FIG4: variants seen among roughly 807,000 people sequenced by gnomAD.
FIG4 encodes the protein polyphosphoinositide phosphatase.
FIG4 carries 112 observed loss-of-function variants against 118.6 expected under a neutral mutation model. The observed-to-expected ratio is 0.94, with a 90% CI of 0.81 to 1.11. The LOEUF (loss-of-function observed/expected upper bound fraction) is 1.11, where lower values mean the gene tolerates loss of function less well. FIG4 is among the 50% of genes least tolerant of loss of function. The pLI is 0.00. For missense variants in FIG4, 969 were observed against 1,111.7 expected, an observed-to-expected ratio of 0.87 and a Z score of 1.83; for synonymous variants, 369 against 381.2, an observed-to-expected ratio of 0.97 and a Z score of 0.37.
At chr6:109,717,286 T>C (rs1213153307) in intron 3 of FIG4, among the ~76,000 whole-genome samples, 1 of 152,232 alleles carries the variant, frequency 6.6e-6, no homozygotes, top group East Asian at 1.9e-4. Context: ...AAACGTGATA[T>C]TGATCTCTTT....
intron 22 of FIG4, among the ~76,000 whole-genome samples, chr6:109,811,581 C>G (rs1778721033): frequency 6.6e-6 from 1 of 152,186 alleles, no homozygotes; most frequent in Non-Finnish European, 1.5e-5. Flanking sequence ...GTTCTAGTCA[C>G]TGGGGACATA....
intron 10 of FIG4, among the ~76,000 whole-genome samples, chr6:109,752,408 C>T (rs1007877947): frequency 1.6e-4 from 25 of 151,726 alleles, no homozygotes; most frequent in African/African-American, 2.7e-4. Context: ...CCTGAGGAAT[C>T]GCCACAGTGA....
intron 22 of FIG4, among the ~76,000 whole-genome samples, chr6:109,810,886 G>C (rs1273342193): frequency 6.6e-6 from 1 of 152,188 alleles, no homozygotes; most frequent in East Asian, 1.9e-4. Context: ...CTCAGTATCA[G>C]AAAGAGTATG....
intron 22 of FIG4, among the ~76,000 whole-genome samples, chr6:109,811,542 A>G (rs1325726027): frequency 6.6e-6 from 1 of 152,188 alleles, no homozygotes; most frequent in Non-Finnish European, 1.5e-5. Context: ...TTCACCAAAT[A>G]CCTAAGCACC....
intron 22 of FIG4, among the ~76,000 whole-genome samples, chr6:109,819,561 C>T (rs1778949488): frequency 6.6e-6 from 1 of 152,110 alleles, no homozygotes. Flanking sequence ...CTCCGCCTCC[C>T]AGGTTCACAC....
intron 11 of FIG4, 26 bp downstream of exon 11, chr6:109,760,409 A>G (rs1777067417): frequency 1.3e-6 from 2 of 1,599,726 alleles, no homozygotes; most frequent in African/African-American, 1.3e-5. Flanking sequence ...CTGTCTGGCT[A>G]TGATCGTTTC....
intron 22 of FIG4, 72 bp from the exon 23 acceptor site, chr6:109,825,014 CTT>C: frequency 1.4e-6 from 2 of 1,405,560 alleles, no homozygotes; most frequent in Non-Finnish European, 2.0e-6. Flanking sequence ...CTCTCAAGTG[CTT>C]CTGAGACTGC....
At chr6:109,801,248 G>A (rs1187715023) in intron 22 of FIG4, among the ~76,000 whole-genome samples, 2 of 152,106 alleles carry the variant, frequency 1.3e-5, no homozygotes, top group Non-Finnish European at 2.9e-5. Context: ...ATGTAATGCA[G>A]GGTAAATTAG....
chr6:109,691,587 G>A, intron 1 of FIG4, 86 bp downstream of exon 1: 1 of 1,166,986 alleles, frequency 8.6e-7, no homozygotes, highest in Non-Finnish European at 1.3e-6. Flanking sequence ...GCTGTACTCT[G>A]CCTCCTCCTC....
At chr6:109,814,010 C>T (rs1473917270) in intron 22 of FIG4, among the ~76,000 whole-genome samples, 1 of 152,184 alleles carries the variant, frequency 6.6e-6, no homozygotes, top group Non-Finnish European at 1.5e-5. Flanking sequence ...GATCCCTGAC[C>T]TCCAGAAACT....
chr6:109,770,017 C>T (rs923489177), intron 15 of FIG4, among the ~76,000 whole-genome samples: 4 of 152,186 alleles, frequency 2.6e-5, no homozygotes, highest in Non-Finnish European at 4.4e-5. Context: ...GGGGTCAACT[C>T]ACCTGACCCT....
chr6:109,777,766 C>T (rs924696491), intron 16 of FIG4, among the ~76,000 whole-genome samples: 1 of 152,168 alleles, frequency 6.6e-6, no homozygotes, highest in Non-Finnish European at 1.5e-5. Context: ...ATATAATATT[C>T]TCAGAAGAAA....
chr6:109,719,284 AT>A (rs1389879455), intron 3 of FIG4, among the ~76,000 whole-genome samples: 1 of 152,078 alleles, frequency 6.6e-6, no homozygotes, highest in East Asian at 1.9e-4. Context: ...GCCAGATTTT[AT>A]TATTCATAAT....
At chr6:109,696,700 A>G (rs548525934) in intron 1 of FIG4, among the ~76,000 whole-genome samples, 1 of 152,168 alleles carries the variant, frequency 6.6e-6, no homozygotes, top group South Asian at 2.1e-4. Flanking sequence ...GAGCTTATAG[A>G]AGCAGAGAGT....
chr6:109,702,495 T>C (rs981845830), intron 1 of FIG4, among the ~76,000 whole-genome samples: 2 of 152,166 alleles, frequency 1.3e-5, no homozygotes, highest in Non-Finnish European at 1.5e-5. Context: ...ATTCTCCACC[T>C]GAACTCCTGC....
chr6:109,775,244 A>G (rs1777584966), intron 15 of FIG4, among the ~76,000 whole-genome samples: 1 of 152,188 alleles, frequency 6.6e-6, no homozygotes, highest in African/African-American at 2.4e-5. Flanking sequence ...AGAAGTAGCC[A>G]GGAGAAGATC....
intron 10 of FIG4, among the ~76,000 whole-genome samples, chr6:109,748,231 G>A (rs1228586300): frequency 6.6e-6 from 1 of 152,138 alleles, no homozygotes; most frequent in Non-Finnish European, 1.5e-5. Context: ...CCTTCTTCCA[G>A]CAGGCTTGTG....
intron 18 of FIG4, among the ~76,000 whole-genome samples, chr6:109,788,356 C>T (rs1318930334): frequency 6.6e-6 from 1 of 152,192 alleles, no homozygotes; most frequent in Non-Finnish European, 1.5e-5. Context: ...TAAACAGCTT[C>T]AGCACTATGT....
At chr6:109,717,513 A>C (rs1775471539) in intron 3 of FIG4, among the ~76,000 whole-genome samples, 1 of 152,234 alleles carries the variant, frequency 6.6e-6, no homozygotes, top group African/African-American at 2.4e-5. Context: ...TCCAATGTAC[A>C]TGAAACAACT....
Sources: allele counts gnomAD v4.1 joint callset (sites outside exome capture counted in the v4.1 genomes callset), GRCh38; gene constraint gnomAD v4.1.1; transcripts MANE v1.5; gene names NCBI Gene and HGNC (gene_info 2026-07-23, HGNC 2026-07-21).